DOCK5: variants seen among roughly 807,000 people sequenced by gnomAD.
DOCK5 encodes dedicator of cytokinesis protein 5.
Under a neutral mutation model 251.8 loss-of-function variants are expected in DOCK5, and 142 were observed. The observed-to-expected ratio is 0.56, with a 90% CI of 0.49 to 0.65. The LOEUF (loss-of-function observed/expected upper bound fraction) is 0.65, where lower values mean the gene tolerates loss of function less well. DOCK5 is among the 30% of genes least tolerant of loss of function. The probability of loss-of-function intolerance (pLI) is 0.00; values close to 1 mark genes in which losing one functional copy is unlikely to be tolerated. For synonymous variants in DOCK5, 842 were observed against 835.5 expected (o/e 1.01, Z -0.13); for missense variants, 2,111 against 2,312.3 (o/e 0.91, Z 1.79).
rs1177369783 is a variant in DOCK5 at position 25,413,129 on chromosome 8, C to A, written c.*1831C>A. ...TCTGAGTTTTCATTTTCTCACCTTCCAGAATGGGGATAATGCCTCCTGCAT... is the reference window on the plus strand; with the variant it reads ...TCTGAGTTTTCATTTTCTCACCTTCAAGAATGGGGATAATGCCTCCTGCAT... On this transcript the variant is annotated 3_prime_UTR_variant, in exon 52 of 52. Transcript: ENST00000276440. 1 of 152,124 alleles carries A rather than the reference C, an allele frequency of 6.6e-6. No homozygotes were observed. Among genetic ancestry groups the A allele is most frequent in the Admixed American group, 6.6e-5 (1 of 15,254 alleles). The allele number at this position is 152,124 out of a possible 1,614,324, so 9.4% of individuals were successfully genotyped here. A position where few individuals can be genotyped will look rare whatever the true frequency, so the allele number is the denominator to read the frequency against.
At chr8:25,382,009 CTTTAT>C (rs961319176) in intron 39 of DOCK5, among the ~76,000 whole-genome samples, 4 of 152,100 alleles carry the variant, frequency 2.6e-5, no homozygotes, top group African/African-American at 9.7e-5. Context: ...TAAAAATGTT[CTTTAT>C]TTTATTATTA....
At chr8:25,186,391 T>C (rs1801432822) in intron 1 of DOCK5, among the ~76,000 whole-genome samples, 1 of 148,826 alleles carries the variant, frequency 6.7e-6, no homozygotes, top group South Asian at 2.2e-4. Context: ...TGAGACGGAC[T>C]GACGAGGGAG....
In DOCK5 at chr8:25,277,495, A is replaced by G. The variant is rs1000701603; in HGVS notation, c.225-1074A>G. ...TCTTCATCGCTCCAGACTCCCAGAT[A>G]CAGCACAGGGAACAAGAAATGGCAG... On this transcript the variant is annotated intron_variant, in intron 4 of 51. Coordinates refer to ENST00000276440, the MANE Select transcript of DOCK5 (RefSeq NM_024940.8). The G allele has an allele frequency of 2.0e-4, 31 of 152,144 alleles. 1 individual carries two copies. Among genetic ancestry groups the G allele is most frequent in the African/African-American group, 6.3e-4 (26 of 41,382 alleles). The allele number at this position is 152,144 out of a possible 1,614,324, so 9.4% of individuals were successfully genotyped here. A position where few individuals can be genotyped will look rare whatever the true frequency, so the allele number is the denominator to read the frequency against.
chr8:25,290,090 T>C (rs536092564), intron 5 of DOCK5, among the ~76,000 whole-genome samples: 214 of 152,268 alleles, frequency 1.4e-3, no homozygotes, highest in African/African-American at 5.0e-3. Flanking sequence ...GGCGTATATA[T>C]TTACTTTCTT....
Position 25,399,987 on chromosome 8 carries a change from C to T in DOCK5, c.4781C>T (p.Ala1594Val). Residue 1594 changes from alanine to valine, a missense_variant, in exon 46 of 52, where the codon GCA becomes GTA. By Grantham distance (64) the Ala-to-Val change is moderately conservative. Around this residue, in one of 3 missense-constraint regions of DOCK5, gnomAD observed 1,717 missense variants for 1,892.4 expected, o/e 0.91. Transcript: ENST00000276440. Reference sequence around the variant, plus strand: ...GTTGAGCTGCTAAAGCGACTAATAGCATTACAGGTACAGGACGGCTTTCCT... The same window carrying T: ...GTTGAGCTGCTAAAGCGACTAATAGTATTACAGGTACAGGACGGCTTTCCT... ...EKVELLKRLI[A>V]LQMPLLTEGI... 6.2e-7 allele frequency: 1 copy of T among 1,613,326 alleles called. No individual in the cohort carries two copies. The highest frequency in any genetic ancestry group is 8.5e-7 in the Non-Finnish European group (1 of 1,179,586).
intron 5 of DOCK5, among the ~76,000 whole-genome samples, chr8:25,281,887 A>C (rs1804203170): frequency 1.9e-5 from 1 of 52,296 alleles, no homozygotes; most frequent in African/African-American, 6.1e-5. Context: ...TAAAAAAAAA[A>C]AGAAAAAAAA....
At chr8:25,198,638 G>A (rs1451546301) in intron 1 of DOCK5, among the ~76,000 whole-genome samples, 2 of 151,818 alleles carry the variant, frequency 1.3e-5, no homozygotes, top group African/African-American at 4.8e-5. Flanking sequence ...TTGCCCTCTT[G>A]TATGTAGAAT....
At chr8:25,300,864 G>GA (rs5890220) in intron 9 of DOCK5, among the ~76,000 whole-genome samples, 1 of 151,818 alleles carries the variant, frequency 6.6e-6, no homozygotes, top group African/African-American at 2.4e-5. Context: ...AAAAATCGGG[G>GA]AAAAAAAAGC....
At chr8:25,301,559 C>T (rs1395387932) in intron 9 of DOCK5, among the ~76,000 whole-genome samples, 1 of 152,068 alleles carries the variant, frequency 6.6e-6, no homozygotes, top group Non-Finnish European at 1.5e-5. Context: ...GGTTTACTCA[C>T]CCATCCTTAA....
At chr8:25,349,013 A>G (rs1325873425) in intron 26 of DOCK5, among the ~76,000 whole-genome samples, 1 of 152,166 alleles carries the variant, frequency 6.6e-6, no homozygotes, top group Non-Finnish European at 1.5e-5. Flanking sequence ...TGAAAGCAGC[A>G]TCTCCTGGAG....
rs147511447 is a variant in DOCK5, at chr8:25,306,650, C to T, written c.1050-2133C>T. ...TGGAGCTTGCAGTGAGCCAAGATCA[C>T]GCCACTGCACTCCAGCCTCGGCGAC... On this transcript the variant is annotated intron_variant, in intron 11 of 51. Coordinates refer to ENST00000276440, the MANE Select transcript of DOCK5 (RefSeq NM_024940.8). Among the ~76,000 whole-genome samples, 1,301 of 151,482 alleles carry T rather than the reference C, an allele frequency of 8.6e-3. 26 individuals carry two copies. Among genetic ancestry groups the T allele is most frequent in the African/African-American group, 0.03 (1,226 of 41,230 alleles).
chr8:25,195,552 A>G (rs566629086), intron 1 of DOCK5, among the ~76,000 whole-genome samples: 1 of 152,112 alleles, frequency 6.6e-6, no homozygotes, highest in African/African-American at 2.4e-5. Context: ...CAGCCACACC[A>G]GCTTTATTTC....
chr8:25,361,681 A>C (rs771751026), intron 28 of DOCK5, among the ~76,000 whole-genome samples: 1 of 152,230 alleles, frequency 6.6e-6, no homozygotes, highest in Non-Finnish European at 1.5e-5. Context: ...AATTATGTCT[A>C]GGATTTCAGA....
chr8:25,323,818 C>T (rs1029251263), intron 16 of DOCK5, 30 bp from the exon 17 acceptor site: 1 of 1,604,330 alleles, frequency 6.2e-7, no homozygotes, highest in Admixed American at 1.7e-5. Context: ...TCTCTCTGCA[C>T]TGCTCAGACA....
intron 3 of DOCK5, among the ~76,000 whole-genome samples, chr8:25,273,817 T>A (rs894113666): frequency 1.3e-5 from 2 of 152,176 alleles, no homozygotes; most frequent in Admixed American, 6.5e-5. Context: ...TTTCAATTAT[T>A]TGATCAGTTT....
At chr8:25,343,822 T>C (rs1309801567) in intron 25 of DOCK5, among the ~76,000 whole-genome samples, 1 of 152,188 alleles carries the variant, frequency 6.6e-6, no homozygotes, top group Non-Finnish European at 1.5e-5. Context: ...TTGTTTTGTT[T>C]TGAGATGGAG....
chr8:25,240,989 T>C (rs977513259), intron 1 of DOCK5, among the ~76,000 whole-genome samples: 6 of 152,230 alleles, frequency 3.9e-5, no homozygotes, highest in African/African-American at 1.2e-4. Flanking sequence ...TCCATCTGCA[T>C]GTCGCCTTCT....
chr8:25,256,361 G>A (rs1053563333), intron 2 of DOCK5, among the ~76,000 whole-genome samples: 7 of 152,096 alleles, frequency 4.6e-5, no homozygotes, highest in East Asian at 1.9e-4. Context: ...GTTACAGGCC[G>A]GGTGCAATGG....
intron 1 of DOCK5, among the ~76,000 whole-genome samples, chr8:25,194,951 C>T (rs972555108): frequency 5.9e-5 from 9 of 151,878 alleles, no homozygotes; most frequent in African/African-American, 1.9e-4. Context: ...GACGGAGTCT[C>T]GCTCTGTCGC....
Sources: allele counts gnomAD v4.1 joint callset (sites outside exome capture counted in the v4.1 genomes callset), GRCh38; gene constraint gnomAD v4.1.1; regional missense constraint gnomAD v4.1.1; transcripts MANE v1.5; gene names NCBI Gene and HGNC (gene_info 2026-07-23, HGNC 2026-07-21).